DNAH14: variants seen among roughly 807,000 people sequenced by gnomAD.
The protein encoded by DNAH14 is axonemal beta dynein heavy chain 14.
A neutral mutation model predicts 520.9 loss-of-function variants in DNAH14; 478 were observed. The observed-to-expected ratio is 0.92, with a 90% CI of 0.85 to 0.99. DNAH14 has a LOEUF of 0.99. DNAH14 is among the 50% of genes least tolerant of loss of function. The pLI is 0.00. For synonymous variants in DNAH14, 1,581 were observed against 1,757.2 expected (o/e 0.90, Z 2.51); for missense variants, 4,831 against 5,234.5 (o/e 0.92, Z 2.38).
chr1:224,943,167 G>A (rs1174548086), intron 1 of DNAH14, among the ~76,000 whole-genome samples: 1 of 152,134 alleles, frequency 6.6e-6, no homozygotes, highest in Non-Finnish European at 1.5e-5. Context: ...ATTAATTATT[G>A]CCTCAATTTC....
At chr1:225,079,183 T>C in intron 17 of DNAH14, 24 bp from the exon 18 acceptor site, 1 of 1,515,844 alleles carries the variant, frequency 6.6e-7, no homozygotes, top group Non-Finnish European at 8.8e-7. Flanking sequence ...CATTACACAA[T>C]TATAATTGAC....
intron 44 of DNAH14, among the ~76,000 whole-genome samples, chr1:225,253,588 T>C (rs918922041): frequency 2.0e-5 from 3 of 152,118 alleles, no homozygotes; most frequent in Non-Finnish European, 4.4e-5. Context: ...ATTTTTTTTC[T>C]TATACTTCTT....
At chr1:225,316,161 A>ACTGC (rs1242194088) in intron 60 of DNAH14, among the ~76,000 whole-genome samples, 1 of 152,128 alleles carries the variant, frequency 6.6e-6, no homozygotes. Flanking sequence ...TGAGGGGAAA[A>ACTGC]CTGCCTACTC....
At chr1:225,335,544 CGT>C (rs1491120612) in intron 66 of DNAH14, among the ~76,000 whole-genome samples, 1 of 75,768 alleles carries the variant, frequency 1.3e-5, no homozygotes, top group East Asian at 6.1e-4. Context: ...TACATATATA[CGT>C]ATATACATAT....
intron 67 of DNAH14, 37 bp from the exon 68 acceptor site, chr1:225,338,024 G>C (rs1235720721): frequency 1.3e-6 from 2 of 1,482,410 alleles, no homozygotes; most frequent in Non-Finnish European, 1.8e-6. Flanking sequence ...TTTGTTTTAA[G>C]ATGATTTTTC....
At position 225,144,514 on chromosome 1, in the gene DNAH14, T is replaced by C; in HGVS notation, c.4626T>C (p.Pro1542=). ...GTACCTCAAGATTGGTTATTACGCCTCTCACAGACCGATGCTGGCTGACTC... is the reference window on the plus strand; with the variant it reads ...GTACCTCAAGATTGGTTATTACGCCCCTCACAGACCGATGCTGGCTGACTC... ...LGCTSRLVIT[P]LTDRCWLTLM... The change falls in exon 29 of 86, where the codon CCT becomes CCC. Residue 1542 remains proline (P), a synonymous_variant. Transcript: ENST00000682510. 6.4e-7 allele frequency: 1 copy of C among 1,551,460 alleles called. No homozygotes were observed. Among genetic ancestry groups the C allele is most frequent in the Non-Finnish European group, 8.7e-7 (1 of 1,146,976 alleles).
At chr1:225,248,400 G>A (rs1280640919) in intron 43 of DNAH14, among the ~76,000 whole-genome samples, 5 of 152,186 alleles carry the variant, frequency 3.3e-5, no homozygotes, top group Non-Finnish European at 1.5e-5. Flanking sequence ...TAAGATGGAA[G>A]AGGGGGGTGT....
chr1:225,057,977 G>T (rs1444478587), intron 17 of DNAH14, among the ~76,000 whole-genome samples: 1 of 152,094 alleles, frequency 6.6e-6, no homozygotes, highest in Non-Finnish European at 1.5e-5. Flanking sequence ...CAGGGATATT[G>T]GTCTAAAATT....
intron 62 of DNAH14, among the ~76,000 whole-genome samples, chr1:225,323,463 G>GTTTTGTT (rs71170074): frequency 2.0e-5 from 3 of 151,942 alleles, no homozygotes; most frequent in Non-Finnish European, 2.9e-5. Flanking sequence ...TTGTTGTTTT[G>GTTTTGTT]TTTTGTTTTT....
rs1433252248 is a variant in DNAH14, at chr1:225,367,877, G to A, written c.12163G>A (p.Val4055Ile). 2 of 1,551,582 alleles carry A rather than the reference G, an allele frequency of 1.3e-6. No homozygotes were observed. The highest frequency in any genetic ancestry group is 2.4e-5 in the East Asian group (1 of 40,914). The change falls in exon 77 of 86, where the codon GTA becomes ATA. Residue 4055 changes from valine (V) to isoleucine (I), a missense_variant. Val to Ile is a conservative substitution (Grantham distance 29, BLOSUM62 3). Transcript: ENST00000682510. The part of the protein sequence containing the change: ...QTFGCTGSGE[V>I]TEEIFENPDC... ...ATTTGGATGTACTGGGAGTGGAGAG[G>A]TAACAGAAGAGATATTTGAAAATCC...
intron 76 of DNAH14, among the ~76,000 whole-genome samples, chr1:225,367,321 C>T (rs1367508469): frequency 6.6e-6 from 1 of 152,154 alleles, no homozygotes; most frequent in Non-Finnish European, 1.5e-5. Flanking sequence ...TTGTAACACA[C>T]CCAGTTAATT....
intron 21 of DNAH14, among the ~76,000 whole-genome samples, chr1:225,089,497 G>A (rs12092782): frequency 0.23 from 27,432 of 121,876 alleles, 5,661 homozygotes; most frequent in African/African-American, 0.55. Flanking sequence ...AAAGAAAAAA[G>A]AAAACAGATT....
intron 37 of DNAH14, among the ~76,000 whole-genome samples, chr1:225,190,674 C>G (rs897785762): frequency 1.1e-4 from 16 of 151,896 alleles, no homozygotes; most frequent in Admixed American, 3.9e-4. Context: ...AGGAAATTTA[C>G]AAACACAAAG....
chr1:225,230,451 G>A (rs950597128), intron 41 of DNAH14, among the ~76,000 whole-genome samples: 13 of 151,906 alleles, frequency 8.6e-5, no homozygotes, highest in African/African-American at 3.1e-4. Context: ...GGAATTATGG[G>A]TGACTGTTTT....
chr1:225,045,840 T>G (rs950596292), intron 15 of DNAH14, among the ~76,000 whole-genome samples: 6 of 152,018 alleles, frequency 3.9e-5, no homozygotes, highest in Non-Finnish European at 5.9e-5. Context: ...AAACTTGGGG[T>G]GGGAGGAGAG....
intron 41 of DNAH14, among the ~76,000 whole-genome samples, chr1:225,228,030 A>C (rs1023485675): frequency 2.6e-5 from 4 of 152,168 alleles, no homozygotes; most frequent in Admixed American, 2.6e-4. Flanking sequence ...AATCTGAGGC[A>C]TTCCTACCAG....
rs184712923 is a variant in DNAH14 at position 225,323,797 on chromosome 1, A to C, written c.9496-425A>C. 3.4e-4 allele frequency among the ~76,000 whole-genome samples: 51 copies of C among 151,494 alleles called. 1 individual carries two copies. The highest frequency in any genetic ancestry group is 1.2e-3 in the African/African-American group (51 of 41,286). On this transcript the variant is annotated intron_variant, in intron 62 of 85. Transcript: ENST00000682510. ...TTTTGTACCCAGGCATGTGTCTTTGATTCTACTATTAAAGATAAGTTAATT... is the reference window on the plus strand; with the variant it reads ...TTTTGTACCCAGGCATGTGTCTTTGCTTCTACTATTAAAGATAAGTTAATT...
chr1:225,210,645 C>T lies in DNAH14; in HGVS notation c.6439+3425C>T, dbSNP rs369089688. 8.5e-5 allele frequency among the ~76,000 whole-genome samples: 13 copies of T among 152,292 alleles called. No individual in the cohort carries two copies. The East Asian group carries it at 2.3e-3, about 27-fold the overall frequency. ...GCAGTGGCTCTTCCAGCACAGTGCT[C>T]GAGCTCTGCTAAAGGACAGACTGCC... On this transcript the variant is annotated intron_variant, in intron 41 of 85. Transcript: ENST00000682510.
At chr1:225,252,488 A>T in intron 44 of DNAH14, 71 bp downstream of exon 44, 2 of 817,762 alleles carry the variant, frequency 2.4e-6, no homozygotes, top group Non-Finnish European at 3.8e-6. Context: ...AAAAGTAATT[A>T]TATCTACTCT....
Sources: gnomAD v4.1 joint callset for allele counts (sites outside exome capture counted in the v4.1 genomes callset) on GRCh38, gnomAD v4.1.1 for gene constraint, MANE v1.5 for transcripts, NCBI Gene and HGNC (gene_info 2026-07-23, HGNC 2026-07-21) for gene names.